The following TENM2 variants were observed in gnomAD, a reference collection of about 807,000 sequenced individuals.
The protein encoded by TENM2 is teneurin transmembrane protein 2.
In TENM2, 52 loss-of-function variants were observed where a neutral mutation model predicts 245.2. The observed-to-expected ratio is 0.21, with a 90% CI of 0.17 to 0.27. TENM2 has a LOEUF of 0.27. Ranked by LOEUF, TENM2 falls within the 10% of genes least tolerant of loss-of-function variation. The probability of loss-of-function intolerance (pLI) is 1.00; values close to 1 mark genes in which losing one functional copy is unlikely to be tolerated. For missense variants in TENM2, 3,046 were observed against 3,666.8 expected, an observed-to-expected ratio of 0.83 and a Z score of 4.37; for synonymous variants, 1,363 against 1,438.9, an observed-to-expected ratio of 0.95 and a Z score of 1.19.
At chr5:167,429,607 C>CTT (rs10587909) in intron 2 of TENM2, among the ~76,000 whole-genome samples, 125 of 78,708 alleles carry the variant, frequency 1.6e-3, no homozygotes, top group East Asian at 2.1e-3. Flanking sequence ...CTCTCTCTCT[C>CTT]TTTTTTTTTT....
intron 2 of TENM2, among the ~76,000 whole-genome samples, chr5:167,845,909 G>A (rs540984674): frequency 3.9e-5 from 6 of 152,286 alleles, no homozygotes; most frequent in South Asian, 2.1e-4. Context: ...CAGCTGGCCC[G>A]ACTGCTCCTA....
At chr5:167,540,857 T>C (rs890388736) in intron 2 of TENM2, among the ~76,000 whole-genome samples, 4 of 152,194 alleles carry the variant, frequency 2.6e-5, no homozygotes, top group Admixed American at 1.3e-4. Context: ...TTACACAAAG[T>C]ACCTCATCTG....
At chr5:168,207,348 A>C (rs1762431052) in intron 19 of TENM2, among the ~76,000 whole-genome samples, 1 of 152,162 alleles carries the variant, frequency 6.6e-6, no homozygotes, top group Non-Finnish European at 1.5e-5. Context: ...TGTGGAGGCC[A>C]CAACGTCAAT....
At chr5:168,034,184 C>G (rs961233439) in intron 5 of TENM2, among the ~76,000 whole-genome samples, 2 of 133,798 alleles carry the variant, frequency 1.5e-5, no homozygotes, top group African/African-American at 6.5e-5. Flanking sequence ...CACACACACA[C>G]ACACAAAAAT....
chr5:167,338,417 G>A (rs1271611264), intron 1 of TENM2, among the ~76,000 whole-genome samples: 2 of 152,106 alleles, frequency 1.3e-5, no homozygotes, highest in South Asian at 2.1e-4. Flanking sequence ...TCCTTGCTCC[G>A]ACATACAGCC....
chr5:167,871,334 A>G (rs1318704632), intron 2 of TENM2, among the ~76,000 whole-genome samples: 1 of 152,180 alleles, frequency 6.6e-6, no homozygotes, highest in East Asian at 1.9e-4. Context: ...GCTTCCTCAC[A>G]GTCCTTCTCA....
At chr5:167,254,530 T>G in the TENM2 span, among the ~76,000 whole-genome samples, 5 of 152,186 alleles carry the variant, frequency 3.3e-5, no homozygotes, top group Non-Finnish European at 7.3e-5. Context: ...TTTCTTCAAC[T>G]TCTCTCTTGT....
intron 2 of TENM2, among the ~76,000 whole-genome samples, chr5:167,460,064 G>A (rs1766202528): frequency 6.6e-6 from 1 of 151,960 alleles, no homozygotes; most frequent in Non-Finnish European, 1.5e-5. Context: ...CATTTCTAAA[G>A]CATTTCAATT....
At chr5:168,144,775 A>G (rs1401826547) in intron 12 of TENM2, among the ~76,000 whole-genome samples, 2 of 152,152 alleles carry the variant, frequency 1.3e-5, no homozygotes, top group Admixed American at 6.5e-5. Context: ...CACATGGTTG[A>G]ACTAGTTTAC....
intron 2 of TENM2, among the ~76,000 whole-genome samples, chr5:167,814,355 T>C (rs1766869590): frequency 6.7e-6 from 1 of 150,264 alleles, no homozygotes; most frequent in Admixed American, 6.7e-5. Flanking sequence ...TAGGACATAA[T>C]GAAAACCTCA....
chr5:167,870,543 G>T (rs1296404898), intron 2 of TENM2, among the ~76,000 whole-genome samples: 2 of 136,794 alleles, frequency 1.5e-5, no homozygotes, highest in African/African-American at 3.0e-5. Context: ...AATGTTAAAA[G>T]AATGTGTATA....
the TENM2 span, among the ~76,000 whole-genome samples, chr5:166,993,761 G>A: frequency 2.2e-4 from 34 of 152,238 alleles, no homozygotes; most frequent in African/African-American, 8.2e-4. Context: ...TGATAAAGGC[G>A]TCTAATTTAA....
intron 13 of TENM2, among the ~76,000 whole-genome samples, chr5:168,179,829 G>A (rs534138174): frequency 6.6e-5 from 10 of 152,168 alleles, no homozygotes; most frequent in Non-Finnish European, 1.2e-4. Flanking sequence ...CTTAATAAAG[G>A]CATGCGTTTA....
At chr5:167,890,793 GATA>G (rs1461802204) in intron 3 of TENM2, among the ~76,000 whole-genome samples, 3 of 152,098 alleles carry the variant, frequency 2.0e-5, no homozygotes, top group Non-Finnish European at 2.9e-5. Context: ...TGATGATAAT[GATA>G]ATGATGATGA....
chr5:167,264,794 C>T, the TENM2 span, among the ~76,000 whole-genome samples: 82 of 152,194 alleles, frequency 5.4e-4, no homozygotes, highest in African/African-American at 1.8e-3. Flanking sequence ...TTACACACTT[C>T]GGGCATTTAA....
At chr5:167,608,812 G>A (rs1777242583) in intron 2 of TENM2, among the ~76,000 whole-genome samples, 1 of 152,132 alleles carries the variant, frequency 6.6e-6, no homozygotes, top group Non-Finnish European at 1.5e-5. Context: ...GATAGAGAGA[G>A]GTACTGAAAG....
intron 2 of TENM2, among the ~76,000 whole-genome samples, chr5:167,636,295 C>CACATTATTA (rs1779206623): frequency 6.6e-6 from 1 of 152,186 alleles, no homozygotes; most frequent in Admixed American, 6.5e-5. Context: ...ATACACACTT[C>CACATTATTA]TGTGAAAAGC....
At chr5:167,328,684 G>A (rs1757243145) in intron 1 of TENM2, among the ~76,000 whole-genome samples, 1 of 152,110 alleles carries the variant, frequency 6.6e-6, no homozygotes, top group African/African-American at 2.4e-5. Flanking sequence ...CCTCTAGCTG[G>A]AATGCTCATT....
At chr5:167,507,162 A>T (rs1769612721) in intron 2 of TENM2, among the ~76,000 whole-genome samples, 2 of 152,204 alleles carry the variant, frequency 1.3e-5, no homozygotes, top group African/African-American at 4.8e-5. Context: ...TTGATTTCAG[A>T]TAAATAGAAT....
Sources: allele counts gnomAD v4.1 joint callset (sites outside exome capture counted in the v4.1 genomes callset), GRCh38; gene constraint gnomAD v4.1.1; transcripts MANE v1.5; gene names NCBI Gene and HGNC (gene_info 2026-07-23, HGNC 2026-07-21).